GPC6: variants seen among roughly 807,000 people sequenced by gnomAD.
The protein encoded by GPC6 is glypican-6.
A neutral mutation model predicts 55.2 loss-of-function variants in GPC6; 14 were observed. That is an observed-to-expected ratio of 0.25 (90% CI 0.17 to 0.40). The LOEUF is 0.40. Ranked by LOEUF, GPC6 falls within the 10% of genes least tolerant of loss-of-function variation. The pLI is 1.00. For missense variants in GPC6, 641 were observed against 708.5 expected (o/e 0.90, Z 1.08); for synonymous variants, 278 against 259.6 (o/e 1.07, Z -0.68).
At chr13:94,100,407 GC>G (rs1382153064) in intron 4 of GPC6, among the ~76,000 whole-genome samples, 1 of 152,116 alleles carries the variant, frequency 6.6e-6, no homozygotes, top group Non-Finnish European at 1.5e-5. Context: ...TCTAAATGAA[GC>G]CAAGATTGTT....
intron 5 of GPC6, among the ~76,000 whole-genome samples, chr13:94,288,886 ATATATATAACAAATATATATATATTTGT>A (rs1453434927): frequency 5.7e-5 from 2 of 35,008 alleles, no homozygotes; most frequent in African/African-American, 2.7e-4. Context: ...TATATAACTA[ATATATATAACAAATATATATATATTTGT>A]TATATATATA....
At chr13:93,531,316 T>C (rs1268687368) in intron 1 of GPC6, among the ~76,000 whole-genome samples, 1 of 151,896 alleles carries the variant, frequency 6.6e-6, no homozygotes, top group Non-Finnish European at 1.5e-5. Flanking sequence ...AGAAAAGGCT[T>C]TATTTTAAGG....
chr13:94,033,512 A>T (rs1388446690), intron 4 of GPC6, among the ~76,000 whole-genome samples: 1 of 152,204 alleles, frequency 6.6e-6, no homozygotes, highest in African/African-American at 2.4e-5. Context: ...GTTTCTACTG[A>T]GGAAACTCAG....
chr13:93,384,722 G>T (rs1439081295), intron 1 of GPC6, among the ~76,000 whole-genome samples: 1 of 152,182 alleles, frequency 6.6e-6, no homozygotes, highest in Non-Finnish European at 1.5e-5. Flanking sequence ...TGGTGAAAGA[G>T]GTATGAATAC....
intron 3 of GPC6, among the ~76,000 whole-genome samples, chr13:93,843,885 G>A (rs1160769814): frequency 6.6e-6 from 1 of 152,010 alleles, no homozygotes; most frequent in African/African-American, 2.4e-5. Flanking sequence ...ATATTTTTCT[G>A]TACCTATTTT....
intron 4 of GPC6, among the ~76,000 whole-genome samples, chr13:94,210,315 C>G (rs1890040717): frequency 6.6e-6 from 1 of 151,986 alleles, no homozygotes; most frequent in African/African-American, 2.4e-5. Flanking sequence ...TGCCACCACG[C>G]CCAGCTAATT....
At position 93,982,045 on chromosome 13, in the gene GPC6, G is replaced by A. The variant is rs1880828134; in HGVS notation, c.712-45684G>A. Among the ~76,000 whole-genome samples the A allele has an allele frequency of 2.6e-5, 4 of 151,984 alleles. No homozygotes were observed. In the South Asian group the frequency reaches 8.3e-4, roughly 31 times the overall value. On this transcript the variant is annotated intron_variant, in intron 3 of 8. Coordinates refer to ENST00000377047, the MANE Select transcript of GPC6 (RefSeq NM_005708.5). ...TGCAGAATTCCCAGAATAAAATTCT[G>A]TGGAATGGTCACTTGGGGTAAATAC...
At chr13:94,076,112 A>T (rs1594716743) in intron 4 of GPC6, among the ~76,000 whole-genome samples, 1 of 148,798 alleles carries the variant, frequency 6.7e-6, no homozygotes, top group African/African-American at 2.5e-5. Context: ...TCCACATCCT[A>T]CCCAACACTT....
chr13:93,414,438 T>C (rs1454049242), intron 1 of GPC6, among the ~76,000 whole-genome samples: 1 of 152,178 alleles, frequency 6.6e-6, no homozygotes, highest in Non-Finnish European at 1.5e-5. Context: ...ACTCCGGGAC[T>C]GCAAAATTGC....
At chr13:93,619,596 T>G (rs982136251) in intron 2 of GPC6, among the ~76,000 whole-genome samples, 9 of 152,096 alleles carry the variant, frequency 5.9e-5, no homozygotes, top group Non-Finnish European at 1.2e-4. Context: ...AGACTCCAGA[T>G]GCACCCCATC....
intron 3 of GPC6, among the ~76,000 whole-genome samples, chr13:93,992,677 C>A (rs888330709): frequency 6.6e-6 from 1 of 152,158 alleles, no homozygotes; most frequent in Non-Finnish European, 1.5e-5. Context: ...TGATTATTAT[C>A]ATGAGATCTT....
chr13:93,248,043 G>T (rs1271344016), intron 1 of GPC6, among the ~76,000 whole-genome samples: 1 of 152,200 alleles, frequency 6.6e-6, no homozygotes, highest in Non-Finnish European at 1.5e-5. Context: ...TTGATGATGA[G>T]ATAATATTAC....
At chr13:94,133,710 C>G (rs1887085495) in intron 4 of GPC6, among the ~76,000 whole-genome samples, 1 of 150,802 alleles carries the variant, frequency 6.6e-6, no homozygotes, top group South Asian at 2.1e-4. Context: ...AAGAACACAA[C>G]AGCATTTTTT....
intron 1 of GPC6, among the ~76,000 whole-genome samples, chr13:93,449,512 A>G (rs1277280409): frequency 6.6e-6 from 1 of 152,186 alleles, no homozygotes; most frequent in Non-Finnish European, 1.5e-5. Flanking sequence ...ACCCTCTTTT[A>G]TTAACACCCT....
intron 1 of GPC6, among the ~76,000 whole-genome samples, chr13:93,543,410 G>C (rs1455762017): frequency 6.6e-6 from 1 of 151,974 alleles, no homozygotes; most frequent in Non-Finnish European, 1.5e-5. Context: ...TTGATGTGCT[G>C]CTGGATTCGG....
At chr13:94,262,674 GA>G (rs60528347) in intron 4 of GPC6, among the ~76,000 whole-genome samples, 172 of 84,196 alleles carry the variant, frequency 2.0e-3, no homozygotes, top group Middle Eastern at 0.016. Context: ...CTCCGTCTCA[GA>G]AAAAAAAAAA....
At chr13:93,257,743 G>A (rs1360355162) in intron 1 of GPC6, among the ~76,000 whole-genome samples, 1 of 152,184 alleles carries the variant, frequency 6.6e-6, no homozygotes, top group Admixed American at 6.5e-5. Context: ...TGGGAAAGCA[G>A]ATAAGCCAGG....
At chr13:93,341,841 ATGT>A (rs758410027) in intron 1 of GPC6, among the ~76,000 whole-genome samples, 2 of 149,428 alleles carry the variant, frequency 1.3e-5, no homozygotes, top group South Asian at 4.3e-4. Flanking sequence ...TTTTTTTCTG[ATGT>A]TATCTTCTAG....
intron 1 of GPC6, among the ~76,000 whole-genome samples, chr13:93,497,353 G>A (rs1880343423): frequency 6.6e-6 from 1 of 152,136 alleles, no homozygotes; most frequent in Non-Finnish European, 1.5e-5. Context: ...GGAGCAGCCA[G>A]GGGCAGGTCA....
Sources: allele counts gnomAD v4.1 joint callset (sites outside exome capture counted in the v4.1 genomes callset), GRCh38; gene constraint gnomAD v4.1.1; transcripts MANE v1.5; gene names NCBI Gene and HGNC (gene_info 2026-07-23, HGNC 2026-07-21).